DECR1: variants seen among roughly 807,000 people sequenced by gnomAD.
DECR1 encodes 2,4-dienoyl-CoA reductase [(3E)-enoyl-CoA-producing], mitochondrial.
In DECR1, 44 loss-of-function variants were observed where a neutral mutation model predicts 38.8. That is an observed-to-expected ratio of 1.13 (90% CI 0.89 to 1.46). The LOEUF (loss-of-function observed/expected upper bound fraction) is 1.46. Ranked by LOEUF, DECR1 falls within the 40% of genes most tolerant of loss-of-function variation. The pLI is 0.00. For synonymous variants in DECR1, 148 were observed against 135.2 expected (o/e 1.09, Z -0.66); for missense variants, 428 against 405.5 (o/e 1.06, Z -0.48).
At chr8:90,011,238 C>T (rs1586136718) in intron 1 of DECR1, among the ~76,000 whole-genome samples, 1 of 152,140 alleles carries the variant, frequency 6.6e-6, no homozygotes, top group Non-Finnish European at 1.5e-5. Context: ...AAAAATAATA[C>T]ATCTATAGCA....
intron 1 of DECR1, among the ~76,000 whole-genome samples, chr8:90,011,712 G>A (rs1243722824): frequency 6.6e-6 from 1 of 152,048 alleles, no homozygotes; most frequent in Non-Finnish European, 1.5e-5. Flanking sequence ...AAACAGAATT[G>A]TTTTCTTAAT....
chr8:90,029,944 G>C (rs991151317), intron 5 of DECR1, among the ~76,000 whole-genome samples: 2 of 152,100 alleles, frequency 1.3e-5, no homozygotes, highest in Admixed American at 1.3e-4. Context: ...CAGTTCAGGG[G>C]CTAGCATGCA....
intron 6 of DECR1, among the ~76,000 whole-genome samples, chr8:90,038,166 A>C (rs1037253333): frequency 6.6e-6 from 1 of 152,170 alleles, no homozygotes; most frequent in African/African-American, 2.4e-5. Context: ...TTTTTTTACT[A>C]TTCCATTTAT....
chr8:90,036,818 A>G (rs1052417854), intron 5 of DECR1, 23 bp from the exon 6 acceptor site: 1 of 1,492,602 alleles, frequency 6.7e-7, no homozygotes, highest in Non-Finnish European at 9.3e-7. Context: ...TTGCTAATCA[A>G]CTGTATCCTT....
chr8:90,042,607 T>A (rs974499250), intron 6 of DECR1, 121 bp from the exon 7 acceptor site: 3 of 787,882 alleles, frequency 3.8e-6, no homozygotes, highest in African/African-American at 3.4e-5. Context: ...ACAATAATAG[T>A]ACCTACCTGT....
chr8:90,043,611 T>C (rs565767805), intron 7 of DECR1, among the ~76,000 whole-genome samples: 1 of 146,558 alleles, frequency 6.8e-6, no homozygotes, highest in African/African-American at 2.6e-5. Context: ...TAAAGGACTT[T>C]TGGGTTATAG....
At chr8:90,028,773 T>C (rs1425051825) in intron 5 of DECR1, among the ~76,000 whole-genome samples, 1 of 152,030 alleles carries the variant, frequency 6.6e-6, no homozygotes, top group Non-Finnish European at 1.5e-5. Context: ...TTTCTTTCTT[T>C]CTTTCATATC....
In DECR1 at chr8:90,042,775, T is replaced by C. The variant is rs367738392; in HGVS notation, c.713T>C (p.Ile238Thr). The change falls in exon 7 of 10, where the codon ATT becomes ACT. Residue 238 changes from isoleucine (I) to threonine (T), a missense_variant. Coordinates refer to ENST00000220764, the MANE Select transcript of DECR1 (RefSeq NM_001359.2). ...AAATATGGAATGCGATTCAATGTGA[T>C]TCAACCAGGGCCTATAAAAACCAAA... ...WGKYGMRFNV[I>T]QPGPIKTKGA... is the part of the protein sequence containing the mutation. The C allele has an allele frequency of 1.9e-6, 3 of 1,613,534 alleles. No homozygotes were observed. Among genetic ancestry groups the C allele is most frequent in the African/African-American group, 2.7e-5 (2 of 74,900 alleles).
chr8:90,004,043 CT>C (rs1404871695), intron 1 of DECR1, among the ~76,000 whole-genome samples: 1 of 152,046 alleles, frequency 6.6e-6, no homozygotes, highest in African/African-American at 2.4e-5. Context: ...ACCATTCTTC[CT>C]TTTTTGATTC....
At chr8:90,020,353 A>G (rs1177764747) in intron 4 of DECR1, among the ~76,000 whole-genome samples, 2 of 152,210 alleles carry the variant, frequency 1.3e-5, no homozygotes, top group Non-Finnish European at 2.9e-5. Context: ...AAATATGTTT[A>G]ATCTGTATTA....
At chr8:90,046,041 T>C (rs1431524508) in intron 8 of DECR1, among the ~76,000 whole-genome samples, 2 of 152,196 alleles carry the variant, frequency 1.3e-5, no homozygotes, top group South Asian at 2.1e-4. Flanking sequence ...TATGTCACCA[T>C]CACGAAAGAC....
intron 5 of DECR1, among the ~76,000 whole-genome samples, chr8:90,031,085 G>C (rs1813482360): frequency 6.6e-6 from 1 of 152,150 alleles, no homozygotes. Flanking sequence ...TAGTAGTTAA[G>C]AGTGCAGGCT....
intron 6 of DECR1, chr8:90,042,523 C>T: frequency 1.7e-6 from 1 of 571,830 alleles, no homozygotes; most frequent in Non-Finnish European, 3.1e-6. Context: ...TTGAGATTGA[C>T]AAATTGGCCA....
intron 6 of DECR1, among the ~76,000 whole-genome samples, chr8:90,038,350 C>A (rs1243121303): frequency 6.6e-6 from 1 of 151,478 alleles, no homozygotes; most frequent in Non-Finnish European, 1.5e-5. Context: ...TGCCTTAAAA[C>A]TTTGTTTAAT....
intron 8 of DECR1, among the ~76,000 whole-genome samples, chr8:90,045,423 G>A (rs1037309434): frequency 1.3e-5 from 2 of 152,088 alleles, no homozygotes; most frequent in Non-Finnish European, 2.9e-5. Flanking sequence ...ACAGAGCCTC[G>A]CTAACTGCTA....
intron 8 of DECR1, among the ~76,000 whole-genome samples, chr8:90,050,243 C>T (rs1001105513): frequency 6.6e-6 from 1 of 152,126 alleles, no homozygotes; most frequent in East Asian, 1.9e-4. Context: ...AACAGGCAAC[C>T]TACAGAATGG....
intron 1 of DECR1, among the ~76,000 whole-genome samples, chr8:90,007,007 G>C (rs1454133396): frequency 6.6e-6 from 1 of 152,168 alleles, no homozygotes; most frequent in East Asian, 1.9e-4. Flanking sequence ...GACTCCTCAA[G>C]TGGTATATAG....
At chr8:90,006,293 T>A (rs1400790203) in intron 1 of DECR1, 4 of 704,014 alleles carry the variant, frequency 5.7e-6, no homozygotes, top group African/African-American at 5.2e-5. Flanking sequence ...TCCAGTTTTA[T>A]GAGAGTGTTG....
At chr8:90,024,273 G>C (rs1813245150) in intron 5 of DECR1, among the ~76,000 whole-genome samples, 1 of 152,206 alleles carries the variant, frequency 6.6e-6, no homozygotes, top group Non-Finnish European at 1.5e-5. Context: ...TCTAGTTCTA[G>C]ATCCTTGAGG....
Sources: allele counts gnomAD v4.1 joint callset (sites outside exome capture counted in the v4.1 genomes callset), GRCh38; gene constraint gnomAD v4.1.1; transcripts MANE v1.5; gene names NCBI Gene and HGNC (gene_info 2026-07-23, HGNC 2026-07-21).